PDE7B: variants seen among roughly 807,000 people sequenced by gnomAD.
PDE7B encodes the protein phosphodiesterase 7B, also known as 3',5'-cyclic-AMP phosphodiesterase 7B.
In PDE7B, 29 loss-of-function variants were observed where a neutral mutation model predicts 56.2. The observed-to-expected ratio is 0.52, with a 90% CI of 0.38 to 0.70. The LOEUF (loss-of-function observed/expected upper bound fraction) is 0.70, where lower values mean the gene tolerates loss of function less well. PDE7B is among the 30% of genes least tolerant of loss of function. The pLI, the probability that PDE7B is intolerant of heterozygous loss-of-function variation, is 0.00. For synonymous variants in PDE7B, 197 were observed against 196.9 expected (o/e 1.00, Z 0.00); for missense variants, 490 against 565.0 (o/e 0.87, Z 1.35).
chr6:135,905,014 G>C (rs1015460916), intron 1 of PDE7B, among the ~76,000 whole-genome samples: 2 of 152,226 alleles, frequency 1.3e-5, no homozygotes, highest in Non-Finnish European at 2.9e-5. Flanking sequence ...CTCATGTTTG[G>C]TTGGTTTAAC....
Position 136,151,214 on chromosome 6 carries a change from A to G in PDE7B, c.437A>G (p.His146Arg). 1.2e-6 allele frequency: 2 copies of G among 1,611,622 alleles called. No homozygotes were observed. Among genetic ancestry groups the G allele is most frequent in the South Asian group, 1.1e-5 (1 of 91,038 alleles). The stretch of plus-strand genomic sequence containing the variant: ...CTCTTCAATACCCATGGACTCATTC[A>G]CCATTTCAAGTTAGATATGGTGACC... ...CHLFNTHGLIHHFKLDMVTLH... is the reference protein window; with the variant it reads ...CHLFNTHGLIRHFKLDMVTLH... The change falls in exon 6 of 13, where the codon CAC becomes CGC. Residue 146 changes from histidine (H) to arginine (R), a missense_variant. Physicochemically the swap from His to Arg is conservative, Grantham distance 29 (BLOSUM62 0). Transcript: ENST00000308191.
At chr6:136,088,958 C>T (rs930220389) in intron 2 of PDE7B, among the ~76,000 whole-genome samples, 2 of 151,606 alleles carry the variant, frequency 1.3e-5, no homozygotes, top group Admixed American at 6.6e-5. Context: ...TCCTCTTCCT[C>T]AGGTTCCCAT....
rs543459074 is a variant in PDE7B, at chr6:136,155,376, T to A, written c.580-251T>A. 5.3e-4 allele frequency among the ~76,000 whole-genome samples: 81 copies of A among 151,808 alleles called. 1 individual carries two copies. The highest frequency in any genetic ancestry group is 1.8e-3 in the African/African-American group (74 of 41,344). ...ATCACAACAACAAAACAAAACAGAG[T>A]GGAATAGGAAGAAGGGGATACCAGA... On this transcript the variant is annotated intron_variant, in intron 7 of 12. Coordinates refer to ENST00000308191, the MANE Select transcript of PDE7B (RefSeq NM_018945.4).
At chr6:136,097,012 T>C (rs2128216720) in intron 2 of PDE7B, among the ~76,000 whole-genome samples, 1 of 152,300 alleles carries the variant, frequency 6.6e-6, no homozygotes, top group Non-Finnish European at 1.5e-5. Context: ...CTCTCTTCCA[T>C]GACACAATTC....
intron 2 of PDE7B, among the ~76,000 whole-genome samples, chr6:135,950,471 T>C (rs1268897610): frequency 1.3e-5 from 2 of 152,228 alleles, no homozygotes; most frequent in Non-Finnish European, 2.9e-5. Flanking sequence ...TTTATTTTTG[T>C]AGGTAATTTT....
chr6:135,966,519 T>C (rs1775000104), intron 2 of PDE7B, among the ~76,000 whole-genome samples: 1 of 152,170 alleles, frequency 6.6e-6, no homozygotes. Context: ...AGTTGTCTAC[T>C]GACAACATTA....
intron 1 of PDE7B, among the ~76,000 whole-genome samples, chr6:135,900,874 G>C (rs150226305): frequency 0.017 from 2,520 of 152,088 alleles, 36 homozygotes; most frequent in Middle Eastern, 0.027. Context: ...CCAGTGTCTA[G>C]GTAGCATTCA....
rs978272616 is a variant in PDE7B at position 136,000,433 on chromosome 6, A to G, written c.82+52909A>G. ...TATTGAGTTGATTTTTGTATATAGC[A>G]TAAGAAAGTAGTCCAGTTTTAATCT... is the stretch of plus-strand genomic sequence containing the variant. On this transcript the variant is annotated intron_variant, in intron 2 of 12. Transcript: ENST00000308191. Among the ~76,000 whole-genome samples the G allele has an allele frequency of 2.4e-4, 36 of 152,156 alleles. 1 individual carries two copies. Among genetic ancestry groups the G allele is most frequent in the Admixed American group, 2.2e-3 (34 of 15,268 alleles).
chr6:135,928,487 TTATATATATATATTTATA>T (rs1227690507), intron 1 of PDE7B, among the ~76,000 whole-genome samples: 3 of 85,538 alleles, frequency 3.5e-5, no homozygotes, highest in South Asian at 7.4e-4. Context: ...ATATATTTAT[TTATATATATATATTTATA>T]TATATATATT....
intron 12 of PDE7B, among the ~76,000 whole-genome samples, chr6:136,187,434 C>T (rs1163706076): frequency 6.6e-6 from 1 of 152,126 alleles, no homozygotes; most frequent in Admixed American, 6.6e-5. Context: ...ACTATTCATA[C>T]TCTCTGCAGG....
At chr6:135,852,767 A>G (rs1011130098) in intron 1 of PDE7B, among the ~76,000 whole-genome samples, 4 of 152,216 alleles carry the variant, frequency 2.6e-5, no homozygotes, top group African/African-American at 9.6e-5. Flanking sequence ...ACAATAGTTG[A>G]AAATGGAGTC....
intron 3 of PDE7B, among the ~76,000 whole-genome samples, chr6:136,113,679 C>T (rs1438734186): frequency 1.3e-5 from 2 of 152,172 alleles, no homozygotes; most frequent in African/African-American, 4.8e-5. Context: ...ATGTCGATTT[C>T]CTATAGATTT....
At chr6:136,097,371 C>T (rs1777485886) in intron 2 of PDE7B, among the ~76,000 whole-genome samples, 1 of 152,136 alleles carries the variant, frequency 6.6e-6, no homozygotes, top group Non-Finnish European at 1.5e-5. Context: ...AACCAGAAAT[C>T]TAGGAATGAT....
intron 8 of PDE7B, among the ~76,000 whole-genome samples, chr6:136,172,039 G>T (rs1778892284): frequency 6.6e-6 from 1 of 151,872 alleles, no homozygotes; most frequent in African/African-American, 2.4e-5. Context: ...GTCTATCATT[G>T]TTGGACATTT....
At chr6:136,149,735 A>G (rs1778480572) in intron 5 of PDE7B, among the ~76,000 whole-genome samples, 1 of 152,206 alleles carries the variant, frequency 6.6e-6, no homozygotes, top group African/African-American at 2.4e-5. Flanking sequence ...TAAAAAACCT[A>G]TTATATTTTT....
At chr6:135,931,982 CAT>C (rs1189585252) in intron 1 of PDE7B, among the ~76,000 whole-genome samples, 7 of 149,768 alleles carry the variant, frequency 4.7e-5, no homozygotes, top group South Asian at 4.2e-4. Flanking sequence ...CACACACACA[CAT>C]AGGTATATAC....
chr6:135,952,004 G>T (rs1387099387), intron 2 of PDE7B, among the ~76,000 whole-genome samples: 1 of 152,114 alleles, frequency 6.6e-6, no homozygotes, highest in Non-Finnish European at 1.5e-5. Flanking sequence ...CACTAGCTCT[G>T]AAAAAATTAA....
intron 8 of PDE7B, chr6:136,165,538 T>A (rs1040574049): frequency 2.6e-5 from 4 of 152,140 alleles, no homozygotes; most frequent in Admixed American, 2.0e-4. Flanking sequence ...CAGTTGGAAG[T>A]CCAAGGAAGG....
At chr6:135,959,469 T>C (rs1464206614) in intron 2 of PDE7B, among the ~76,000 whole-genome samples, 1 of 152,170 alleles carries the variant, frequency 6.6e-6, no homozygotes, top group Non-Finnish European at 1.5e-5. Flanking sequence ...TATATTGAAC[T>C]CAAAAATACA....
Sources: gnomAD v4.1 joint callset for allele counts (sites outside exome capture counted in the v4.1 genomes callset) on GRCh38, gnomAD v4.1.1 for gene constraint, MANE v1.5 for transcripts, NCBI Gene and HGNC (gene_info 2026-07-23, HGNC 2026-07-21) for gene names.